PTPRE: variants seen among roughly 807,000 people sequenced by gnomAD.
PTPRE encodes protein tyrosine phosphatase receptor type E.
Under a neutral mutation model 102.0 loss-of-function variants are expected in PTPRE, and 51 were observed. That is an observed-to-expected ratio of 0.50 (90% CI 0.40 to 0.63). The LOEUF is 0.63. Among genes scored for constraint, PTPRE ranks in the 30% least tolerant of loss-of-function variants. The pLI is 0.00. For synonymous variants in PTPRE, 345 were observed against 348.2 expected, an observed-to-expected ratio of 0.99 and a Z score of 0.10; for missense variants, 752 against 915.1, an observed-to-expected ratio of 0.82 and a Z score of 2.30.
intron 6 of PTPRE, among the ~76,000 whole-genome samples, chr10:128,053,499 G>A (rs982875928): frequency 1.3e-5 from 2 of 152,196 alleles, no homozygotes; most frequent in African/African-American, 4.8e-5. Flanking sequence ...TAGACTGACA[G>A]CCAGAGAAAG....
chr10:127,962,307 G>C (rs571723285), intron 1 of PTPRE, among the ~76,000 whole-genome samples: 2 of 152,162 alleles, frequency 1.3e-5, no homozygotes, highest in African/African-American at 4.8e-5. Context: ...ATGTGAGTGC[G>C]GCACATGCCA....
intron 1 of PTPRE, among the ~76,000 whole-genome samples, chr10:127,959,665 C>A (rs1168117302): frequency 1.3e-5 from 2 of 152,348 alleles, no homozygotes; most frequent in East Asian, 3.9e-4. Flanking sequence ...GAGCTTTAAG[C>A]ACTTTCTCCA....
intron 1 of PTPRE, among the ~76,000 whole-genome samples, chr10:127,939,301 C>G (rs535003455): frequency 1.3e-5 from 2 of 152,348 alleles, no homozygotes; most frequent in African/African-American, 2.4e-5. Context: ...TTTCATCATG[C>G]TTTACTTTTA....
intron 1 of PTPRE, among the ~76,000 whole-genome samples, chr10:127,939,614 CAAGGAG>C (rs1221757911): frequency 1.3e-5 from 2 of 152,096 alleles, no homozygotes; most frequent in African/African-American, 4.8e-5. Flanking sequence ...AAGAGCAACC[CAAGGAG>C]TTGGGTTGCT....
chr10:128,058,626 G>C (rs1849221309), intron 7 of PTPRE, among the ~76,000 whole-genome samples: 2 of 152,214 alleles, frequency 1.3e-5, no homozygotes, highest in Admixed American at 6.5e-5. Flanking sequence ...AAGGCTGAAG[G>C]GACATTGGGC....
chr10:127,961,635 C>A (rs1589840498), intron 1 of PTPRE, among the ~76,000 whole-genome samples: 1 of 106,150 alleles, frequency 9.4e-6, no homozygotes, highest in African/African-American at 4.0e-5. Context: ...AAGCGCTCCA[C>A]CCCCCAGCGA....
chr10:127,967,631 T>C (rs1258212646), intron 1 of PTPRE, among the ~76,000 whole-genome samples: 1 of 152,176 alleles, frequency 6.6e-6, no homozygotes, highest in Non-Finnish European at 1.5e-5. Flanking sequence ...CATAGCAGTA[T>C]GAAAATGGAC....
At chr10:127,948,702 C>T (rs761195202) in intron 1 of PTPRE, among the ~76,000 whole-genome samples, 7 of 152,188 alleles carry the variant, frequency 4.6e-5, no homozygotes, top group Non-Finnish European at 1.0e-4. Context: ...TTCCTTTTAG[C>T]GCTGAATAGC....
At position 127,975,502 on chromosome 10, in the gene PTPRE, C is replaced by T. The variant is rs193289460; in HGVS notation, c.-30-6772C>T. ...GCCTCTGGCCACAGGTTACCGTGGA[C>T]AGCCGAGTGTCAAGATCATCACCAA... On this transcript the variant is annotated intron_variant, in intron 1 of 20. Coordinates refer to ENST00000254667, the MANE Select transcript of PTPRE (RefSeq NM_006504.6). Among the ~76,000 whole-genome samples, 89 of 152,296 alleles carry T rather than the reference C, an allele frequency of 5.8e-4. 1 individual carries two copies. The highest frequency in any genetic ancestry group is 1.9e-3 in the African/African-American group (81 of 41,560).
At chr10:128,063,222 C>T (rs760716066) in intron 10 of PTPRE, 42 bp downstream of exon 10, 114 of 1,608,686 alleles carry the variant, frequency 7.1e-5, no homozygotes, top group Non-Finnish European at 9.4e-5. Context: ...TTCCTTTCAG[C>T]TGCTGCTGCC....
chr10:128,033,376 T>C (rs1419075211), intron 2 of PTPRE, among the ~76,000 whole-genome samples: 1 of 152,230 alleles, frequency 6.6e-6, no homozygotes, highest in Non-Finnish European at 1.5e-5. Context: ...GCAGGAATTT[T>C]CAAACAAAAT....
chr10:127,997,338 G>A (rs914340741), intron 2 of PTPRE, among the ~76,000 whole-genome samples: 1 of 152,154 alleles, frequency 6.6e-6, no homozygotes, highest in African/African-American at 2.4e-5. Context: ...CTCCAAAGGG[G>A]ACTCCATGTT....
At chr10:127,992,523 A>C (rs569986075) in intron 2 of PTPRE, among the ~76,000 whole-genome samples, 1 of 152,210 alleles carries the variant, frequency 6.6e-6, no homozygotes, top group South Asian at 2.1e-4. Flanking sequence ...GGGCTTCCTG[A>C]AGCCGAGCTT....
At chr10:128,063,688 T>C (rs896181453) in intron 10 of PTPRE, among the ~76,000 whole-genome samples, 1 of 152,240 alleles carries the variant, frequency 6.6e-6, no homozygotes, top group African/African-American at 2.4e-5. Flanking sequence ...ATTTGAATCA[T>C]TGACAAAGAA....
At chr10:127,924,974 AG>A (rs1366540540) in intron 1 of PTPRE, among the ~76,000 whole-genome samples, 1 of 152,222 alleles carries the variant, frequency 6.6e-6, no homozygotes, top group East Asian at 1.9e-4. Flanking sequence ...GGTACTGCAG[AG>A]GCTGTTCCTA....
intron 2 of PTPRE, among the ~76,000 whole-genome samples, chr10:128,005,580 C>T (rs1054707775): frequency 6.6e-6 from 1 of 152,162 alleles, no homozygotes; most frequent in South Asian, 2.1e-4. Context: ...TATGATAAGG[C>T]TTGTGAGGGT....
At chr10:128,002,683 CTTTTTTTTTTTTTTTTTTTTTTTTT>C (rs59007980) in intron 2 of PTPRE, among the ~76,000 whole-genome samples, 2 of 41,202 alleles carry the variant, frequency 4.9e-5, no homozygotes, top group African/African-American at 2.1e-4. Context: ...AGTCACATAT[CTTTTTTTTTTTTTTTTTTTTTTTTT>C]TTTTTTTTTT....
chr10:128,039,790 T>TGG (rs201814783), intron 2 of PTPRE, among the ~76,000 whole-genome samples: 1 of 114,590 alleles, frequency 8.7e-6, no homozygotes, highest in East Asian at 2.7e-4. Flanking sequence ...GGGTGGGGAG[T>TGG]GGGGGGGCCA....
At chr10:128,050,295 GAAT>G (rs1848456225) in intron 6 of PTPRE, among the ~76,000 whole-genome samples, 2 of 150,120 alleles carry the variant, frequency 1.3e-5, no homozygotes, top group African/African-American at 5.0e-5. Context: ...ATGGATGGAT[GAAT>G]GAATGCATGG....
Sources: gnomAD v4.1 joint callset for allele counts (sites outside exome capture counted in the v4.1 genomes callset) on GRCh38, gnomAD v4.1.1 for gene constraint, MANE v1.5 for transcripts, NCBI Gene and HGNC (gene_info 2026-07-23, HGNC 2026-07-21) for gene names.